Variants in DSCAM observed in about 807,000 individuals in gnomAD.
The protein encoded by DSCAM is cell adhesion molecule DSCAM.
A neutral mutation model predicts 217.7 loss-of-function variants in DSCAM; 47 were observed. The observed-to-expected ratio is 0.22, with a 90% confidence interval of 0.17 to 0.28. The LOEUF is 0.28. DSCAM is among the 10% of genes least tolerant of loss of function. The pLI, the probability that DSCAM is intolerant of heterozygous loss-of-function variation, is 1.00. For missense variants in DSCAM, 2,080 were observed against 2,618.3 expected (o/e 0.79, Z 4.49); for synonymous variants, 1,056 against 1,015.3 (o/e 1.04, Z -0.76).
chr21:40,567,751 T>A (rs1343868066), intron 3 of DSCAM, among the ~76,000 whole-genome samples: 1 of 152,264 alleles, frequency 6.6e-6, no homozygotes, highest in Non-Finnish European at 1.5e-5. Flanking sequence ...TGTGTTAGCA[T>A]TCCCAAACTT....
intron 3 of DSCAM, among the ~76,000 whole-genome samples, chr21:40,596,312 C>T (rs531248489): frequency 6.6e-6 from 1 of 152,246 alleles, no homozygotes; most frequent in East Asian, 1.9e-4. Context: ...GAGTGCTTCC[C>T]CTACATGACA....
intron 3 of DSCAM, among the ~76,000 whole-genome samples, chr21:40,672,941 C>T (rs1208600233): frequency 6.6e-6 from 1 of 152,144 alleles, no homozygotes; most frequent in Admixed American, 6.6e-5. Context: ...TGTTTGCTCT[C>T]CCCCGCACTT....
chr21:40,718,240 G>A (rs553597130), intron 1 of DSCAM, among the ~76,000 whole-genome samples: 68 of 152,292 alleles, frequency 4.5e-4, no homozygotes, highest in African/African-American at 1.5e-3. Flanking sequence ...CCACCCAATA[G>A]CAAATTGGAA....
chr21:40,419,803 T>C (rs1330976859), intron 3 of DSCAM, among the ~76,000 whole-genome samples: 3 of 152,196 alleles, frequency 2.0e-5, no homozygotes, highest in Admixed American at 6.5e-5. Flanking sequence ...AAGTCTCACA[T>C]TATTGTTATT....
At chr21:40,161,830 A>G (rs1402957477) in intron 16 of DSCAM, among the ~76,000 whole-genome samples, 3 of 152,214 alleles carry the variant, frequency 2.0e-5, no homozygotes, top group South Asian at 4.1e-4. Flanking sequence ...TTCATAGCCT[A>G]AAGATTAAAG....
At chr21:40,514,732 T>C (rs188250456) in intron 3 of DSCAM, among the ~76,000 whole-genome samples, 130 of 152,340 alleles carry the variant, frequency 8.5e-4, no homozygotes, top group African/African-American at 3.0e-3. Flanking sequence ...TTCGCTCTTA[T>C]ACTAGTAAAT....
chr21:40,588,109 G>A (rs1275401679), intron 3 of DSCAM, among the ~76,000 whole-genome samples: 6 of 152,098 alleles, frequency 3.9e-5, no homozygotes, highest in African/African-American at 1.2e-4. Flanking sequence ...ACTTAAAGGC[G>A]TTCCTGATCC....
At chr21:40,524,489 A>T (rs77256195) in intron 3 of DSCAM, among the ~76,000 whole-genome samples, 3,106 of 152,232 alleles carry the variant, frequency 0.02, 129 homozygotes, top group East Asian at 0.17. Flanking sequence ...ATATATAAAC[A>T]CTTTACATAG....
At position 40,505,101 on chromosome 21, in the gene DSCAM, A is replaced by G. The variant is rs1476831390; in HGVS notation, c.509-135856T>C. The stretch of plus-strand genomic sequence containing the variant: ...ACTGTGTCCCACCTCCTGGTTGCCC[A>G]TTTTTCACAGGTAATTGGAAATAAT... On this transcript the variant is annotated intron_variant, in intron 3 of 32. Coordinates refer to ENST00000400454, the MANE Select transcript of DSCAM (RefSeq NM_001389.5). Among the ~76,000 whole-genome samples the G allele has an allele frequency of 3.3e-5, 5 of 152,278 alleles. No homozygotes were observed. In the East Asian group the frequency reaches 9.7e-4, roughly 29 times the overall value.
chr21:40,654,058 G>A (rs1277363259), intron 3 of DSCAM, among the ~76,000 whole-genome samples: 1 of 150,940 alleles, frequency 6.6e-6, no homozygotes, highest in Non-Finnish European at 1.5e-5. Context: ...CCACACTATT[G>A]CACTCCAGCC....
chr21:40,014,303 T>C (rs1452114214), intron 32 of DSCAM, among the ~76,000 whole-genome samples: 1 of 152,158 alleles, frequency 6.6e-6, no homozygotes, highest in Non-Finnish European at 1.5e-5. Context: ...GGCAGGAGAA[T>C]CGCTTGAACC....
At chr21:40,536,596 C>T (rs752128411) in intron 3 of DSCAM, among the ~76,000 whole-genome samples, 275 of 152,066 alleles carry the variant, frequency 1.8e-3, no homozygotes, top group Non-Finnish European at 3.2e-3. Flanking sequence ...TTAGTAGAGA[C>T]AGGGTTTCAC....
chr21:40,415,828 T>C (rs932647058), intron 3 of DSCAM, among the ~76,000 whole-genome samples: 1 of 152,100 alleles, frequency 6.6e-6, no homozygotes, highest in Non-Finnish European at 1.5e-5. Flanking sequence ...CCGCAATCCC[T>C]ATACACACCT....
At chr21:40,345,363 G>A (rs778341787) in intron 6 of DSCAM, among the ~76,000 whole-genome samples, 7 of 152,072 alleles carry the variant, frequency 4.6e-5, no homozygotes, top group Non-Finnish European at 7.4e-5. Flanking sequence ...TGTCCTCAGT[G>A]GAAGAGGACA....
intron 32 of DSCAM, among the ~76,000 whole-genome samples, chr21:40,040,675 G>A (rs965998705): frequency 2.0e-5 from 3 of 152,202 alleles, no homozygotes; most frequent in Non-Finnish European, 4.4e-5. Flanking sequence ...TAACATGGCT[G>A]AGTGCCTCCT....
At chr21:40,731,733 C>CA (rs977032042) in intron 1 of DSCAM, among the ~76,000 whole-genome samples, 1 of 122,350 alleles carries the variant, frequency 8.2e-6, no homozygotes, top group African/African-American at 3.0e-5. Context: ...ACTGCACCCC[C>CA]CCCCCCGCCC....
At chr21:40,715,280 G>A (rs577975950) in intron 1 of DSCAM, among the ~76,000 whole-genome samples, 1 of 152,236 alleles carries the variant, frequency 6.6e-6, no homozygotes, top group Non-Finnish European at 1.5e-5. Context: ...TCAGATCTAG[G>A]GGAAGCTGTG....
At chr21:40,664,035 T>C (rs887166100) in intron 3 of DSCAM, among the ~76,000 whole-genome samples, 1 of 152,220 alleles carries the variant, frequency 6.6e-6, no homozygotes, top group East Asian at 1.9e-4. Context: ...ATCAGTCTGC[T>C]CAAAGTCTAG....
At chr21:40,837,887 T>A (rs982275904) in intron 1 of DSCAM, among the ~76,000 whole-genome samples, 1 of 152,206 alleles carries the variant, frequency 6.6e-6, no homozygotes, top group African/African-American at 2.4e-5. Context: ...CCCTGCAAGC[T>A]ACATATCAGT....
Sources: gnomAD v4.1 joint callset for allele counts (sites outside exome capture counted in the v4.1 genomes callset) on GRCh38, gnomAD v4.1.1 for gene constraint, MANE v1.5 for transcripts, NCBI Gene and HGNC (gene_info 2026-07-23, HGNC 2026-07-21) for gene names.